The following TBC1D8 variants were observed in gnomAD, a reference collection of about 807,000 sequenced individuals.
TBC1D8 encodes the protein TBC1 domain family member 8, also known as BUB2-like protein 1.
A neutral mutation model predicts 118.8 loss-of-function variants in TBC1D8; 65 were observed. The observed-to-expected ratio is 0.55, with a 90% CI of 0.45 to 0.67. The LOEUF is 0.67. TBC1D8 is among the 30% of genes least tolerant of loss of function. The pLI is 0.00. For synonymous variants in TBC1D8, 566 were observed against 595.8 expected (o/e 0.95, Z 0.73); for missense variants, 1,376 against 1,471.2 (o/e 0.94, Z 1.06).
At chr2:101,121,385 G>A (rs928824381) in intron 1 of TBC1D8, among the ~76,000 whole-genome samples, 2 of 152,150 alleles carry the variant, frequency 1.3e-5, no homozygotes, top group African/African-American at 2.4e-5. Flanking sequence ...CACTAGAGGC[G>A]GACACAGTCC....
At position 101,029,606 on chromosome 2, in the gene TBC1D8, A is replaced by G; in HGVS notation, c.2107T>C (p.Phe703Leu). 1 of 1,614,012 alleles carries G rather than the reference A, an allele frequency of 6.2e-7. No individual in the cohort carries two copies. Among genetic ancestry groups the G allele is most frequent in the Non-Finnish European group, 8.5e-7 (1 of 1,179,886 alleles). ...ATGGCTTTGATGCCATCATAGAAGA[A>G]GCAGTCTACCACATTCACCGCACTC... Reference protein sequence around the residue: ...LESAVNVVDCFFYDGIKAIFQ... With the variant: ...LESAVNVVDCLFYDGIKAIFQ... The change falls in exon 12 of 20, where the codon TTC becomes CTC. Residue 703 changes from phenylalanine to leucine, a missense_variant. By Grantham distance (22) the Phe-to-Leu change is conservative (BLOSUM62 0). Transcript: ENST00000409318.
At chr2:101,100,875 T>C (rs970953772) in intron 1 of TBC1D8, among the ~76,000 whole-genome samples, 5 of 152,138 alleles carry the variant, frequency 3.3e-5, no homozygotes, top group African/African-American at 1.2e-4. Context: ...TTACACCTTA[T>C]AGAAAAATTA....
chr2:101,077,673 C>A (rs1255100423), intron 2 of TBC1D8, among the ~76,000 whole-genome samples: 1 of 152,162 alleles, frequency 6.6e-6, no homozygotes. Context: ...AATCACCTCC[C>A]ACCAGGCCCC....
chr2:101,014,652 G>A (rs1022781774), intron 17 of TBC1D8, among the ~76,000 whole-genome samples: 6 of 152,152 alleles, frequency 3.9e-5, no homozygotes, highest in Admixed American at 6.5e-5. Flanking sequence ...CCCATTATTA[G>A]TTTGGTCCTT....
intron 1 of TBC1D8, among the ~76,000 whole-genome samples, chr2:101,107,811 G>A (rs1677322144): frequency 6.6e-6 from 1 of 152,136 alleles, no homozygotes; most frequent in Non-Finnish European, 1.5e-5. Context: ...GAAAGGTGGG[G>A]GAAGTAACTT....
At chr2:101,115,372 T>C (rs1417979302) in intron 1 of TBC1D8, among the ~76,000 whole-genome samples, 1 of 152,226 alleles carries the variant, frequency 6.6e-6, no homozygotes, top group Non-Finnish European at 1.5e-5. Context: ...GACGTCTCTT[T>C]ATTAGCAGGA....
At chr2:101,050,711 C>A (rs192481162) in intron 4 of TBC1D8, 70 bp from the exon 5 acceptor site, 1 of 1,569,122 alleles carries the variant, frequency 6.4e-7, no homozygotes, top group African/African-American at 1.3e-5. Context: ...TGTCAGCAAG[C>A]AACTATCCAA....
chr2:101,057,910 A>G (rs1358150112), intron 3 of TBC1D8, among the ~76,000 whole-genome samples: 1 of 152,246 alleles, frequency 6.6e-6, no homozygotes, highest in Non-Finnish European at 1.5e-5. Flanking sequence ...CATGAAATCT[A>G]GGAGAGTCAA....
chr2:101,104,581 G>A (rs1297140490), intron 1 of TBC1D8, among the ~76,000 whole-genome samples: 1 of 152,194 alleles, frequency 6.6e-6, no homozygotes, highest in Non-Finnish European at 1.5e-5. Context: ...AGTGGAGAAG[G>A]ACAGTCTTTT....
chr2:101,051,284 C>T (rs113909729), intron 4 of TBC1D8, among the ~76,000 whole-genome samples: 17 of 152,124 alleles, frequency 1.1e-4, no homozygotes, highest in East Asian at 9.6e-4. Context: ...GTAATGGTAT[C>T]GCTGAATTGA....
chr2:101,027,776 G>A (rs1243610800), intron 14 of TBC1D8, among the ~76,000 whole-genome samples: 2 of 152,224 alleles, frequency 1.3e-5, no homozygotes, highest in African/African-American at 4.8e-5. Context: ...CCCTGTGCTA[G>A]GCATTATAGA....
chr2:101,123,114 G>A (rs1280583085), intron 1 of TBC1D8, among the ~76,000 whole-genome samples: 3 of 152,130 alleles, frequency 2.0e-5, no homozygotes, highest in Non-Finnish European at 4.4e-5. Flanking sequence ...TGCGCACCTT[G>A]TAGTCCAAGC....
intron 1 of TBC1D8, among the ~76,000 whole-genome samples, chr2:101,132,430 CT>C (rs1678636047): frequency 6.6e-6 from 1 of 152,206 alleles, no homozygotes; most frequent in Non-Finnish European, 1.5e-5. Context: ...CACCTGCTCC[CT>C]TCAGTACAGT....
intron 2 of TBC1D8, among the ~76,000 whole-genome samples, chr2:101,062,929 C>T (rs888897641): frequency 2.0e-5 from 3 of 152,138 alleles, no homozygotes; most frequent in Non-Finnish European, 2.9e-5. Flanking sequence ...AGTGAGCCAC[C>T]GCGCCCAGCC....
chr2:101,100,086 T>C (rs879307581), intron 1 of TBC1D8, among the ~76,000 whole-genome samples: 3 of 152,174 alleles, frequency 2.0e-5, no homozygotes, highest in Admixed American at 2.0e-4. Flanking sequence ...TGTTTACAGA[T>C]GACACAATTT....
chr2:101,080,462 T>G (rs1675188565), intron 2 of TBC1D8, among the ~76,000 whole-genome samples: 1 of 151,952 alleles, frequency 6.6e-6, no homozygotes, highest in African/African-American at 2.4e-5. Flanking sequence ...TCAATAAAAT[T>G]CTCTCTCCAA....
At chr2:101,053,363 C>T (rs1012478459) in intron 4 of TBC1D8, among the ~76,000 whole-genome samples, 1 of 152,214 alleles carries the variant, frequency 6.6e-6, no homozygotes, top group African/African-American at 2.4e-5. Context: ...GGAAAAGGAA[C>T]ACCACGTGCC....
At chr2:101,012,739 G>A (rs1679322355) in intron 17 of TBC1D8, among the ~76,000 whole-genome samples, 1 of 152,114 alleles carries the variant, frequency 6.6e-6, no homozygotes, top group Non-Finnish European at 1.5e-5. Flanking sequence ...TGACAGGGAA[G>A]GTTCCCCATA....
intron 1 of TBC1D8, among the ~76,000 whole-genome samples, chr2:101,150,360 C>A (rs1201738013): frequency 2.6e-5 from 4 of 152,116 alleles, no homozygotes; most frequent in African/African-American, 9.7e-5. Context: ...CCCCTAGATA[C>A]AAATGAAAAA....
Sources: gnomAD v4.1 joint callset for allele counts (sites outside exome capture counted in the v4.1 genomes callset) on GRCh38, gnomAD v4.1.1 for gene constraint, MANE v1.5 for transcripts, NCBI Gene and HGNC (gene_info 2026-07-23, HGNC 2026-07-21) for gene names.